FAR2: variants seen among roughly 807,000 people sequenced by gnomAD.
FAR2 encodes the protein fatty acyl-CoA reductase 2, also known as epididymis secretory protein Li 81.
FAR2 carries 19 observed loss-of-function variants against 56.0 expected under a neutral mutation model. The observed-to-expected ratio is 0.34, with a 90% CI of 0.24 to 0.50. The LOEUF (loss-of-function observed/expected upper bound fraction) is 0.50, where lower values mean the gene tolerates loss of function less well. Among genes scored for constraint, FAR2 ranks in the 20% least tolerant of loss-of-function variants. The pLI is 0.98. For synonymous variants in FAR2, 219 were observed against 218.8 expected (o/e 1.00, Z -0.01); for missense variants, 508 against 642.2 (o/e 0.79, Z 2.26).
At chr12:29,286,810 T>C (rs962522556) in intron 2 of FAR2, among the ~76,000 whole-genome samples, 3 of 152,140 alleles carry the variant, frequency 2.0e-5, no homozygotes, top group Admixed American at 6.5e-5. Context: ...AAGTGCAAAA[T>C]TGTCTTTAAG....
intron 2 of FAR2, chr12:29,291,436 A>G: frequency 2.2e-6 from 1 of 456,050 alleles, no homozygotes; most frequent in Non-Finnish European, 4.4e-6. Flanking sequence ...ACTGATGCGA[A>G]GATTGCTCTG....
intron 1 of FAR2, among the ~76,000 whole-genome samples, chr12:29,260,034 T>G (rs1385052199): frequency 6.6e-6 from 1 of 152,210 alleles, no homozygotes; most frequent in Non-Finnish European, 1.5e-5. Flanking sequence ...TAGAGTTGCA[T>G]ATGTGCTATT....
At chr12:29,149,983 T>A (rs948711202) in intron 1 of FAR2, among the ~76,000 whole-genome samples, 18 of 152,134 alleles carry the variant, frequency 1.2e-4, no homozygotes, top group Non-Finnish European at 5.9e-5. Flanking sequence ...CCCTCCCACC[T>A]GGGCCTCGCC....
At chr12:29,328,636 G>A (rs1254309844) in intron 10 of FAR2, among the ~76,000 whole-genome samples, 7 of 150,434 alleles carry the variant, frequency 4.7e-5, no homozygotes, top group Admixed American at 2.0e-4. Flanking sequence ...GCAAACTATC[G>A]CAAGGACAAA....
At chr12:29,220,128 AG>A (rs1269895023) in intron 1 of FAR2, among the ~76,000 whole-genome samples, 1 of 152,204 alleles carries the variant, frequency 6.6e-6, no homozygotes, top group Non-Finnish European at 1.5e-5. Flanking sequence ...ACTAGAACCC[AG>A]GGCTTTGCTT....
chr12:29,192,995 A>G (rs777711117), intron 1 of FAR2, among the ~76,000 whole-genome samples: 24 of 152,196 alleles, frequency 1.6e-4, no homozygotes, highest in Non-Finnish European at 2.6e-4. Flanking sequence ...CGTGATTAAG[A>G]TTCTTAAATT....
chr12:29,269,927 C>T (rs992720024), intron 1 of FAR2, among the ~76,000 whole-genome samples: 4 of 152,164 alleles, frequency 2.6e-5, no homozygotes, highest in Non-Finnish European at 4.4e-5. Context: ...CCTTTATTTC[C>T]CCTAAGCACG....
intron 1 of FAR2, among the ~76,000 whole-genome samples, chr12:29,150,293 G>C (rs1280514741): frequency 2.0e-5 from 3 of 152,230 alleles, no homozygotes; most frequent in Non-Finnish European, 4.4e-5. Context: ...CCACGGTTGA[G>C]TTATGTGGTG....
intron 10 of FAR2, among the ~76,000 whole-genome samples, chr12:29,324,727 C>T (rs1307309675): frequency 1.3e-5 from 2 of 152,028 alleles, no homozygotes; most frequent in Non-Finnish European, 2.9e-5. Flanking sequence ...CCAGGCCTGC[C>T]CTAAAAGAGC....
intron 1 of FAR2, among the ~76,000 whole-genome samples, chr12:29,249,350 TA>T (rs1948174315): frequency 6.6e-6 from 1 of 152,238 alleles, no homozygotes; most frequent in Non-Finnish European, 1.5e-5. Flanking sequence ...AGTAGTACAA[TA>T]AGTTTATTAA....
At chr12:29,200,368 T>C (rs762606342) in intron 1 of FAR2, among the ~76,000 whole-genome samples, 1 of 152,288 alleles carries the variant, frequency 6.6e-6, no homozygotes, top group Admixed American at 6.5e-5. Context: ...TCAAGTGGTG[T>C]AGAAACGAAG....
intron 10 of FAR2, among the ~76,000 whole-genome samples, chr12:29,326,836 C>T (rs1186609644): frequency 1.3e-5 from 2 of 152,112 alleles, no homozygotes; most frequent in Admixed American, 6.6e-5. Context: ...CCTTTGAAAA[C>T]TGGCACAAGA....
At chr12:29,186,747 CTTTATTTATTA>C (rs1453207653) in intron 1 of FAR2, among the ~76,000 whole-genome samples, 12 of 38,714 alleles carry the variant, frequency 3.1e-4, no homozygotes, top group Non-Finnish European at 7.4e-4. Context: ...CAGCTTAGTT[CTTTATTTATTA>C]TTTATTTATT....
chr12:29,159,521 G>GAAAGAA (rs1949761692), intron 1 of FAR2, among the ~76,000 whole-genome samples: 1 of 139,864 alleles, frequency 7.1e-6, no homozygotes. Flanking sequence ...CTCTGTCTCG[G>GAAAGAA]AAAAAAAAAA....
At chr12:29,164,070 G>T (rs1591825209) in intron 1 of FAR2, among the ~76,000 whole-genome samples, 1 of 152,320 alleles carries the variant, frequency 6.6e-6, no homozygotes, top group African/African-American at 2.4e-5. Context: ...AGAAGTAAAT[G>T]AGTTCGTGTG....
In FAR2 at chr12:29,219,771, C is replaced by CAGA. The variant is rs1947664276; in HGVS notation, c.-38-50641_-38-50640insAGA. Reference sequence around the variant, plus strand: ...CAGCAGCTCTTTCATTTCCAGAAGACCCCCAAAGGAGGAAAGTGATATCAT... The same window carrying CAGA: ...CAGCAGCTCTTTCATTTCCAGAAGACAGACCCCAAAGGAGGAAAGTGATATCAT... On this transcript the variant is annotated intron_variant, in intron 1 of 11. Coordinates refer to ENST00000536681, the MANE Select transcript of FAR2 (RefSeq NM_001271783.2). Among the ~76,000 whole-genome samples the CAGA allele has an allele frequency of 4.6e-5, 7 of 152,214 alleles. No individual in the cohort carries two copies. The South Asian group carries it at 1.2e-3, about 27-fold the overall frequency.
chr12:29,294,871 TA>T (rs1414228983), intron 3 of FAR2, among the ~76,000 whole-genome samples: 1 of 152,152 alleles, frequency 6.6e-6, no homozygotes, highest in African/African-American at 2.4e-5. Flanking sequence ...AAAGCAGCTT[TA>T]TTTTTTTTTT....
chr12:29,255,818 TTAAAG>T (rs1345340716), intron 1 of FAR2, among the ~76,000 whole-genome samples: 9 of 152,086 alleles, frequency 5.9e-5, no homozygotes, highest in African/African-American at 2.2e-4. Flanking sequence ...GAAATTCTTT[TTAAAG>T]TAAGTATTAT....
chr12:29,243,346 G>C (rs575097452), intron 1 of FAR2, among the ~76,000 whole-genome samples: 1 of 152,162 alleles, frequency 6.6e-6, no homozygotes, highest in African/African-American at 2.4e-5. Flanking sequence ...CTTATAGCAG[G>C]CTGGCTTCCT....
Sources: gnomAD v4.1 joint callset for allele counts (sites outside exome capture counted in the v4.1 genomes callset) on GRCh38, gnomAD v4.1.1 for gene constraint, MANE v1.5 for transcripts, NCBI Gene and HGNC (gene_info 2026-07-23, HGNC 2026-07-21) for gene names.